MS4A10: variants seen among roughly 807,000 people sequenced by gnomAD.
MS4A10 encodes the protein membrane-spanning 4-domains subfamily A member 10.
Under a neutral mutation model 27.7 loss-of-function variants are expected in MS4A10, and 27 were observed. The observed-to-expected ratio is 0.98, with a 90% CI of 0.72 to 1.35. The LOEUF (loss-of-function observed/expected upper bound fraction) is 1.35, where lower values mean the gene tolerates loss of function less well. Among genes scored for constraint, MS4A10 ranks in the 40% most tolerant of loss-of-function variants. The pLI, the probability that MS4A10 is intolerant of heterozygous loss-of-function variation, is 0.00. For missense variants in MS4A10, 338 were observed against 324.7 expected (o/e 1.04, Z -0.32); for synonymous variants, 139 against 131.2 (o/e 1.06, Z -0.41).
chr11:60,792,220 A>G (rs1460757995), intron 3 of MS4A10, 45 bp from the exon 4 acceptor site: 12 of 1,534,202 alleles, frequency 7.8e-6, no homozygotes, highest in Admixed American at 1.7e-5. Context: ...GTGGGTTTTG[A>G]GGAACCCCAG....
rs138273274 is a variant in MS4A10, at chr11:60,794,005, C to T, written c.394C>T (p.Leu132Phe). The T allele has an allele frequency of 3.0e-5, 48 of 1,614,140 alleles. No individual in the cohort carries two copies. The African/African-American group carries it at 5.9e-4, about 20-fold the overall frequency. Residue 132 changes from leucine to phenylalanine, a missense_variant, in exon 5 of 8, where the codon CTC (leucine) becomes TTC (phenylalanine). Transcript: ENST00000308287. ...MLCLMTNLIS[L>F]FCVLSGLFVI... ...GTGCCTGATGACAAACCTCATCAGC[C>T]TCTTTTGCGTGCTGTCTGGCCTCTT...
intron 1 of MS4A10, among the ~76,000 whole-genome samples, 193 bp from the exon 2 acceptor site, chr11:60,790,121 C>T (rs574804451): frequency 1.3e-5 from 2 of 152,324 alleles, no homozygotes; most frequent in African/African-American, 2.4e-5. Context: ...AGGCTGTGAG[C>T]AGCAATTACT....
At chr11:60,785,656 T>C (rs1854323073) in intron 1 of MS4A10, among the ~76,000 whole-genome samples, 3 of 152,062 alleles carry the variant, frequency 2.0e-5, no homozygotes, top group Admixed American at 2.0e-4. Flanking sequence ...GGAGAATGGG[T>C]GGCCCACCCA....
chr11:60,793,425 C>T (rs960943859), intron 4 of MS4A10, among the ~76,000 whole-genome samples: 1 of 152,180 alleles, frequency 6.6e-6, no homozygotes, highest in Non-Finnish European at 1.5e-5. Flanking sequence ...AGGATTTGCA[C>T]TTGGCAAGAG....
At position 60,791,009 on chromosome 11, in the gene MS4A10, C is replaced by A. The variant is rs1854421558; in HGVS notation, c.219C>A (p.Val73=). 6.2e-7 allele frequency: 1 copy of A among 1,614,080 alleles called. No homozygotes were observed. The highest frequency in any genetic ancestry group is 1.3e-5 in the African/African-American group (1 of 74,934). ...FHITIALLHL[V]FGGYLASIVK... is the part of the protein sequence containing the mutation. Reference sequence around the variant, plus strand: ...TCACCATCGCTCTGCTGCACCTGGTCTTTGGGGGCTACCTGGCCTCTATAG... The same window carrying A: ...TCACCATCGCTCTGCTGCACCTGGTATTTGGGGGCTACCTGGCCTCTATAG... Residue 73 remains valine (V), a synonymous_variant, in exon 3 of 8, where the codon GTC becomes GTA. Transcript: ENST00000308287.
intron 4 of MS4A10, among the ~76,000 whole-genome samples, chr11:60,792,914 A>C (rs1157299575): frequency 6.6e-6 from 1 of 152,084 alleles, no homozygotes; most frequent in East Asian, 1.9e-4. Flanking sequence ...CTGTGGACTT[A>C]CCTGTCTCTA....
chr11:60,791,761 C>G (rs886383595), intron 3 of MS4A10, among the ~76,000 whole-genome samples: 2 of 152,250 alleles, frequency 1.3e-5, no homozygotes, highest in African/African-American at 2.4e-5. Context: ...GAACTTTCCA[C>G]ACATGCAGTG....
At chr11:60,797,791 T>C (rs1238154367) in intron 6 of MS4A10, among the ~76,000 whole-genome samples, 1 of 152,226 alleles carries the variant, frequency 6.6e-6, no homozygotes, top group Admixed American at 6.5e-5. Flanking sequence ...CTCACGGCCA[T>C]TCTGGGACGC....
At chr11:60,794,515 C>A (rs1854490689) in intron 5 of MS4A10, among the ~76,000 whole-genome samples, 1 of 152,128 alleles carries the variant, frequency 6.6e-6, no homozygotes, top group South Asian at 2.1e-4. Flanking sequence ...ACTTTGTTAC[C>A]CTCATCTTCT....
At position 60,799,869 on chromosome 11, in the gene MS4A10, T is replaced by C; in HGVS notation, c.764T>C (p.Val255Ala). 6.2e-7 allele frequency: 1 copy of C among 1,610,710 alleles called. No individual in the cohort carries two copies. The highest frequency in any genetic ancestry group is 1.3e-5 in the African/African-American group (1 of 75,002). The change falls in exon 8 of 8, where the codon GTC becomes GCC. Residue 255 changes from valine (V) to alanine (A), a missense_variant. Physicochemically the swap from Val to Ala is moderately conservative, Grantham distance 64 (BLOSUM62 0). Coordinates refer to ENST00000308287, the MANE Select transcript of MS4A10 (RefSeq NM_206893.4). ...CAAGTTGCCCCGGACACATGGATAG[T>C]CACTGACGGAGCTGCGATCTGGACC... Reference protein sequence around the residue: ...VKQVAPDTWIVTDGAAIWTQT... With the variant: ...VKQVAPDTWIATDGAAIWTQT...
chr11:60,785,995 T>C (rs555978700), intron 1 of MS4A10, among the ~76,000 whole-genome samples: 6 of 152,192 alleles, frequency 3.9e-5, no homozygotes, highest in South Asian at 2.1e-4. Flanking sequence ...AGGAGGAGGC[T>C]GGTTCAGTAC....
At chr11:60,787,565 C>T (rs1228271031) in intron 1 of MS4A10, among the ~76,000 whole-genome samples, 2 of 152,118 alleles carry the variant, frequency 1.3e-5, no homozygotes. Context: ...ACTCAATTCC[C>T]ATTCCCACTG....
intron 6 of MS4A10, among the ~76,000 whole-genome samples, chr11:60,797,840 C>T (rs772143786): frequency 6.6e-6 from 1 of 152,160 alleles, no homozygotes; most frequent in Non-Finnish European, 1.5e-5. Context: ...AAAAATGAAC[C>T]TTAGAAGAGT....
chr11:60,787,028 G>A (rs1023966476), intron 1 of MS4A10, among the ~76,000 whole-genome samples: 4 of 152,154 alleles, frequency 2.6e-5, no homozygotes, highest in African/African-American at 9.7e-5. Context: ...TTGCTGGGGG[G>A]TTCTGGAGGG....
At chr11:60,787,690 A>G (rs1248692892) in intron 1 of MS4A10, among the ~76,000 whole-genome samples, 1 of 152,018 alleles carries the variant, frequency 6.6e-6, no homozygotes. Context: ...CAGAATACCA[A>G]TTGCATAGAA....
In MS4A10 at chr11:60,800,299, C is replaced by T. The variant is rs1434871168; in HGVS notation, c.*390C>T. ...CCAAGTAGCTGGGACTATAGGCACA[C>T]GCCACCACGCCCAGCTAATTTTTAT... is the stretch of plus-strand genomic sequence containing the variant. On this transcript the variant is annotated 3_prime_UTR_variant, in exon 8 of 8. Transcript: ENST00000308287. 2.2e-5 allele frequency: 4 copies of T among 182,768 alleles called. No individual in the cohort carries two copies. Among genetic ancestry groups the T allele is most frequent in the African/African-American group, 2.4e-5 (1 of 42,418 alleles). The allele number at this position is 182,768 out of a possible 1,614,324, so 11.3% of individuals were successfully genotyped here.
chr11:60,786,448 G>A (rs1193811828), intron 1 of MS4A10, among the ~76,000 whole-genome samples: 5 of 151,926 alleles, frequency 3.3e-5, no homozygotes, highest in Admixed American at 6.6e-5. Flanking sequence ...CTTCCCTCAC[G>A]ACCCCCTACC....
At position 60,798,481 on chromosome 11, in the gene MS4A10, T is replaced by C. The variant is rs775067822; in HGVS notation, c.689T>C (p.Ile230Thr). The change falls in exon 7 of 8, where the codon ATT (isoleucine) becomes ACT (threonine). Residue 230 changes from isoleucine to threonine, a missense_variant. By Grantham distance (89) the Ile-to-Thr change is moderately conservative. Coordinates refer to ENST00000308287, the MANE Select transcript of MS4A10 (RefSeq NM_206893.4). ...VEPPPSYQSV[I>T]QGDAQHKQHQ... ...CCCCCGCCATCCTACCAGAGTGTGATTCAAGGCGACGCACAACACAAGCAA... is the reference window on the plus strand; with the variant it reads ...CCCCCGCCATCCTACCAGAGTGTGACTCAAGGCGACGCACAACACAAGCAA... 3 of 1,614,028 alleles carry C rather than the reference T, an allele frequency of 1.9e-6. No homozygotes were observed. Among genetic ancestry groups the C allele is most frequent in the Non-Finnish European group, 2.5e-6 (3 of 1,179,986 alleles).
chr11:60,800,116 G>T lies in MS4A10; in HGVS notation c.*207G>T. The T allele has an allele frequency of 1.5e-6, 1 of 660,494 alleles. No homozygotes were observed. The highest frequency in any genetic ancestry group is 2.5e-6 in the Non-Finnish European group (1 of 394,948). The allele number at this position is 660,494 out of a possible 1,614,324, so 40.9% of individuals were successfully genotyped here. On this transcript the variant is annotated 3_prime_UTR_variant, in exon 8 of 8. Coordinates refer to ENST00000308287, the MANE Select transcript of MS4A10 (RefSeq NM_206893.4). ...TAGTTGATGGCTCGATATCTGTGGT[G>T]GCCCAGATTGTTTTGTTTTGTTTCG... is the stretch of plus-strand genomic sequence containing the variant.
Sources: allele counts gnomAD v4.1 joint callset (sites outside exome capture counted in the v4.1 genomes callset), GRCh38; gene constraint gnomAD v4.1.1; transcripts MANE v1.5; gene names NCBI Gene and HGNC (gene_info 2026-07-23, HGNC 2026-07-21).